Variants in KCNH8 observed in about 807,000 individuals in gnomAD.
KCNH8 encodes the protein voltage-gated delayed rectifier potassium channel KCNH8.
In KCNH8, 70 loss-of-function variants were observed where a neutral mutation model predicts 103.6. The observed-to-expected ratio is 0.68, with a 90% CI of 0.56 to 0.82. The LOEUF is 0.82. KCNH8 is among the 40% of genes least tolerant of loss of function. The pLI is 0.00. For missense variants in KCNH8, 1,217 were observed against 1,329.9 expected (o/e 0.92, Z 1.32); for synonymous variants, 498 against 489.4 (o/e 1.02, Z -0.23).
intron 1 of KCNH8, among the ~76,000 whole-genome samples, chr3:19,236,434 G>A (rs559765425): frequency 6.6e-6 from 1 of 152,290 alleles, no homozygotes; most frequent in South Asian, 2.1e-4. Context: ...TTAAGATGAA[G>A]GACTCCAGTG....
At chr3:19,340,948 G>A (rs1317886738) in intron 3 of KCNH8, among the ~76,000 whole-genome samples, 2 of 152,114 alleles carry the variant, frequency 1.3e-5, no homozygotes, top group African/African-American at 4.8e-5. Context: ...TTTAGAGCAG[G>A]AATGAAAGGA....
At chr3:19,400,231 C>CAAAAAAAAAAAAAAAAAAAAAAAAA in intron 7 of KCNH8, among the ~76,000 whole-genome samples, 1 of 53,108 alleles carries the variant, frequency 1.9e-5, no homozygotes, top group Non-Finnish European at 3.3e-5. Context: ...TGTTAGCCAG[C>CAAAAAAAAAAAAAAAAAAAAAAAAA]AAAAAAAAAA....
intron 11 of KCNH8, among the ~76,000 whole-genome samples, chr3:19,463,215 G>C (rs895554826): frequency 6.6e-6 from 1 of 152,082 alleles, no homozygotes; most frequent in Non-Finnish European, 1.5e-5. Context: ...CCTGGAACCA[G>C]TCTCTCAGAT....
At position 19,244,914 on chromosome 3, in the gene KCNH8, G is replaced by T. The variant is rs187476913; in HGVS notation, c.77-8740G>T. On this transcript the variant is annotated intron_variant, in intron 1 of 15. Transcript: ENST00000328405. The stretch of plus-strand genomic sequence containing the variant: ...GCAAATAGCTTCTTTCATTCTGCAG[G>T]TTGTCTGTTTACAGTTTATTTTGCT... Among the ~76,000 whole-genome samples the T allele has an allele frequency of 9.9e-5, 15 of 152,138 alleles. No homozygotes were observed. The East Asian group carries it at 2.7e-3, about 27-fold the overall frequency.
At chr3:19,261,531 T>C (rs1156326733) in intron 2 of KCNH8, among the ~76,000 whole-genome samples, 2 of 151,902 alleles carry the variant, frequency 1.3e-5, no homozygotes, top group Non-Finnish European at 2.9e-5. Flanking sequence ...ATTTTTTTTC[T>C]CAATTTGTAG....
At chr3:19,194,473 A>G (rs1413406139) in intron 1 of KCNH8, among the ~76,000 whole-genome samples, 1 of 151,854 alleles carries the variant, frequency 6.6e-6, no homozygotes, top group Non-Finnish European at 1.5e-5. Context: ...CTGCTCTACC[A>G]TGATTAAATC....
At position 19,392,874 on chromosome 3, in the gene KCNH8, T is replaced by C. The variant is rs74378388; in HGVS notation, c.970-2230T>C. 6.4e-3 allele frequency among the ~76,000 whole-genome samples: 978 copies of C among 152,150 alleles called. 9 individuals are homozygous for C. Among genetic ancestry groups the C allele is most frequent in the African/African-American group, 0.022 (915 of 41,554 alleles). ...TATCATTTACCATCTGAGTAACTTA[T>C]TTGGGGAAGTTAACATTAAAATATC... is the stretch of plus-strand genomic sequence containing the variant. On this transcript the variant is annotated intron_variant, in intron 6 of 15. Coordinates refer to ENST00000328405, the MANE Select transcript of KCNH8 (RefSeq NM_144633.3).
At chr3:19,438,436 C>G (rs1240804506) in intron 8 of KCNH8, 75 bp downstream of exon 8, 1 of 1,220,634 alleles carries the variant, frequency 8.2e-7, no homozygotes, top group Non-Finnish European at 1.2e-6. Context: ...TTGTTCTGTC[C>G]TGAAATACAA....
chr3:19,500,202 T>A (rs146776370), intron 11 of KCNH8, among the ~76,000 whole-genome samples: 74 of 152,232 alleles, frequency 4.9e-4, no homozygotes, highest in Admixed American at 2.0e-3. Context: ...ACGCCATTAC[T>A]TAATGGTAAA....
intron 3 of KCNH8, among the ~76,000 whole-genome samples, chr3:19,300,238 G>A (rs1413984968): frequency 6.7e-6 from 1 of 149,180 alleles, no homozygotes; most frequent in Non-Finnish European, 1.5e-5. Context: ...GACATAGCAA[G>A]ACTCTGTCTA....
At chr3:19,501,370 C>A (rs2125233678) in intron 11 of KCNH8, among the ~76,000 whole-genome samples, 1 of 152,292 alleles carries the variant, frequency 6.6e-6, no homozygotes, top group East Asian at 1.9e-4. Flanking sequence ...GGTACCATTC[C>A]TTCTGAAACT....
At chr3:19,463,780 G>A (rs961792241) in intron 11 of KCNH8, among the ~76,000 whole-genome samples, 1 of 152,074 alleles carries the variant, frequency 6.6e-6, no homozygotes, top group African/African-American at 2.4e-5. Flanking sequence ...AACGGGGATT[G>A]TATGGGGATG....
rs770100456 is a variant in KCNH8, at chr3:19,518,030, A to G, written c.2575A>G (p.Lys859Glu). The G allele has an allele frequency of 6.2e-7, 1 of 1,612,340 alleles. No individual in the cohort carries two copies. Among genetic ancestry groups the G allele is most frequent in the Non-Finnish European group, 8.5e-7 (1 of 1,178,876 alleles). Residue 859 changes from lysine (K) to glutamate (E), a missense_variant, in exon 15 of 16, where the codon AAA becomes GAA. By Grantham distance (56) the Lys-to-Glu change is moderately conservative. Coordinates refer to ENST00000328405, the MANE Select transcript of KCNH8 (RefSeq NM_144633.3). The part of the protein sequence containing the change: ...PEIGAAVLFI[K>E]AEETKQQINK... ...GATTGGAGCTGCTGTTCTCTTCATC[A>G]AAGCAGAGGAGACCAAGCAGCAGAT... is the stretch of plus-strand genomic sequence containing the variant.
chr3:19,409,748 C>G (rs193206237), intron 7 of KCNH8, among the ~76,000 whole-genome samples: 71 of 152,122 alleles, frequency 4.7e-4, no homozygotes, highest in African/African-American at 1.7e-3. Context: ...TTTAAAGCAA[C>G]AACAGTAAAA....
intron 7 of KCNH8, among the ~76,000 whole-genome samples, chr3:19,415,401 G>A (rs990403957): frequency 1.0e-4 from 15 of 144,762 alleles, no homozygotes; most frequent in Admixed American, 4.8e-4. Flanking sequence ...CTTTCTCAAT[G>A]AGCTTTTTTT....
chr3:19,157,013 T>C (rs1283064913), intron 1 of KCNH8, among the ~76,000 whole-genome samples: 2 of 151,722 alleles, frequency 1.3e-5, no homozygotes, highest in Non-Finnish European at 2.9e-5. Context: ...TTCTATTAAG[T>C]ATTTTGGACA....
intron 1 of KCNH8, among the ~76,000 whole-genome samples, chr3:19,178,200 T>C (rs1278804315): frequency 6.6e-6 from 1 of 152,098 alleles, no homozygotes; most frequent in Non-Finnish European, 1.5e-5. Flanking sequence ...TACTTATTTG[T>C]ATTATATTTT....
chr3:19,386,348 A>G (rs571145227), intron 5 of KCNH8, among the ~76,000 whole-genome samples: 8 of 152,150 alleles, frequency 5.3e-5, no homozygotes, highest in Non-Finnish European at 8.8e-5. Context: ...TAATTCAATT[A>G]TATTCTGCTT....
intron 3 of KCNH8, among the ~76,000 whole-genome samples, chr3:19,293,065 A>G (rs1361598751): frequency 6.6e-6 from 1 of 152,202 alleles, no homozygotes; most frequent in African/African-American, 2.4e-5. Flanking sequence ...GGCAATCTAG[A>G]GTGTGTGTCA....
Sources: gnomAD v4.1 joint callset for allele counts (sites outside exome capture counted in the v4.1 genomes callset) on GRCh38, gnomAD v4.1.1 for gene constraint, MANE v1.5 for transcripts, NCBI Gene and HGNC (gene_info 2026-07-23, HGNC 2026-07-21) for gene names.